KIDINS220: variants seen among roughly 807,000 people sequenced by gnomAD.
KIDINS220 encodes the protein kinase D-interacting substrate of 220 kDa.
KIDINS220 carries 63 observed loss-of-function variants against 157.6 expected under a neutral mutation model. The observed-to-expected ratio is 0.40, with a 90% CI of 0.33 to 0.49. The LOEUF (loss-of-function observed/expected upper bound fraction) is 0.49. KIDINS220 is among the 20% of genes least tolerant of loss of function. KIDINS220 has a pLI of 0.66. For synonymous variants in KIDINS220, 732 were observed against 783.6 expected, an observed-to-expected ratio of 0.93 and a Z score of 1.10; for missense variants, 1,772 against 2,171.2, an observed-to-expected ratio of 0.82 and a Z score of 3.65.
Position 8,770,682 on chromosome 2 carries a change from G to GT in KIDINS220, c.2998dup (p.Thr1000AsnfsTer14). On this transcript the variant is annotated frameshift_variant, in exon 22 of 30. Coordinates refer to ENST00000256707, the MANE Select transcript of KIDINS220 (RefSeq NM_020738.4). LOFTEE classifies it high-confidence loss of function. Reference sequence around the variant, plus strand: ...TCACAAAAGGTACCTTTCGTAGATGGTTTTTAATGTCATTTGATCTGGAAT... The same window carrying GT: ...TCACAAAAGGTACCTTTCGTAGATGGTTTTTTAATGTCATTTGATCTGGAAT... 1 of 1,597,142 alleles carries GT rather than the reference G, an allele frequency of 6.3e-7. No individual in the cohort carries two copies. The highest frequency in any genetic ancestry group is 8.5e-7 in the Non-Finnish European group (1 of 1,171,426).
At chr2:8,826,594 G>GTGAA (rs1678846095) in intron 2 of KIDINS220, 1 of 153,430 alleles carries the variant, frequency 6.5e-6, no homozygotes, top group African/African-American at 2.4e-5. Context: ...GGCAACAAGA[G>GTGAA]TGAAACTCCA....
intron 1 of KIDINS220, among the ~76,000 whole-genome samples, 189 bp downstream of exon 1, chr2:8,837,291 C>T (rs898615463): frequency 1.3e-5 from 2 of 152,158 alleles, no homozygotes; most frequent in African/African-American, 4.8e-5. Flanking sequence ...CCCCGAAAGC[C>T]GGGGCCCGAG....
chr2:8,771,726 T>C (rs537077005), intron 21 of KIDINS220, among the ~76,000 whole-genome samples: 1 of 152,300 alleles, frequency 6.6e-6, no homozygotes, highest in South Asian at 2.1e-4. Flanking sequence ...CATATAGATA[T>C]ATAAGCCCCA....
chr2:8,811,824 T>C (rs544792473), intron 6 of KIDINS220, among the ~76,000 whole-genome samples: 16 of 149,944 alleles, frequency 1.1e-4, no homozygotes, highest in Middle Eastern at 7.0e-3. Context: ...CTGGAGGTGA[T>C]GGCAAATGGG....
intron 7 of KIDINS220, among the ~76,000 whole-genome samples, chr2:8,805,071 A>G (rs939566840): frequency 6.6e-6 from 1 of 152,178 alleles, no homozygotes; most frequent in African/African-American, 2.4e-5. Context: ...ACCAGTTTCC[A>G]TAAGGGATAT....
At chr2:8,727,378 C>T (rs539419125), downstream of KIDINS220, 5 of 548,272 alleles carry the variant, frequency 9.1e-6, no homozygotes, top group South Asian at 1.5e-4. Context: ...TCAAGTCACT[C>T]GCCCATGAAG....
chr2:8,795,709 CTTA>C lies in KIDINS220; in HGVS notation c.1098+1059_1098+1061del, dbSNP rs571174742. Among the ~76,000 whole-genome samples the C allele has an allele frequency of 4.7e-4, 72 of 152,254 alleles. 1 individual carries two copies. In the East Asian group the frequency reaches 0.013, roughly 27 times the overall value. ...TACCAAGGCAGAGGCCTTCAGGAAACTTATTAATGAGTATAAAGCAATTACTTA... is the reference window on the plus strand; with the variant it reads ...TACCAAGGCAGAGGCCTTCAGGAAACTTAATGAGTATAAAGCAATTACTTA... On this transcript the variant is annotated intron_variant, in intron 11 of 29. Transcript: ENST00000256707.
intron 2 of KIDINS220, among the ~76,000 whole-genome samples, chr2:8,820,644 T>A (rs1309693231): frequency 1.3e-5 from 2 of 152,136 alleles, no homozygotes. Flanking sequence ...CCAGGGTCAT[T>A]AGGGAATGAC....
intron 26 of KIDINS220, among the ~76,000 whole-genome samples, chr2:8,744,380 AAAAAAAAAATATATATATATAATAT>A (rs1320003187): frequency 1.5e-3 from 48 of 31,294 alleles, no homozygotes; most frequent in African/African-American, 2.0e-3. Flanking sequence ...AAAAAAAAAA[AAAAAAAAAATATATATATATAATAT>A]ATATATATAT....
chr2:8,749,494 T>C, intron 24 of KIDINS220: 1 of 429,860 alleles, frequency 2.3e-6, no homozygotes, highest in South Asian at 1.7e-5. Context: ...TGACAGGGCC[T>C]GAATACCACT....
At position 8,770,307 on chromosome 2, in the gene KIDINS220, G is replaced by C. The variant is rs567575602; in HGVS notation, c.3011+363C>G. ...TACAGTCCTAGCTACTTGGGAGGCT[G>C]AGATGGGAGGATGACTTGAGTCCAG... is the stretch of plus-strand genomic sequence containing the variant. On this transcript the variant is annotated intron_variant, in intron 22 of 29. Transcript: ENST00000256707. 3.9e-5 allele frequency among the ~76,000 whole-genome samples: 6 copies of C among 152,302 alleles called. No homozygotes were observed. The South Asian group carries it at 1.2e-3, about 32-fold the overall frequency.
intron 9 of KIDINS220, 104 bp from the exon 10 acceptor site, chr2:8,798,404 G>C: frequency 1.5e-6 from 1 of 670,486 alleles, no homozygotes; most frequent in South Asian, 1.8e-5. Flanking sequence ...CCAACAGGCA[G>C]CATGGTAGGA....
chr2:8,757,909 C>T (rs559443607), intron 22 of KIDINS220: 1 of 831,816 alleles, frequency 1.2e-6, no homozygotes, highest in East Asian at 2.8e-5. Flanking sequence ...GTTGCCCAGG[C>T]TGGAGTGCAG....
Position 8,813,329 on chromosome 2 carries a change from A to T in KIDINS220, c.313T>A (p.Trp105Arg). ...TAACATGCCCACATAAGAGCTGTCC[A>T]TCCTCCCTAAACAAAAAATGTAGGG... ...VNLEHRDMGG[W>R]TALMWACYKG... The change falls in exon 5 of 30, where the codon TGG becomes AGG. Residue 105 changes from tryptophan (W) to arginine (R), a missense_variant. Around this residue, in one of 3 missense-constraint regions of KIDINS220, gnomAD observed 254 missense variants for 268.6 expected, o/e 0.95. Coordinates refer to ENST00000256707, the MANE Select transcript of KIDINS220 (RefSeq NM_020738.4). 1.2e-6 allele frequency: 2 copies of T among 1,609,948 alleles called. No individual in the cohort carries two copies. Among genetic ancestry groups the T allele is most frequent in the Non-Finnish European group, 1.7e-6 (2 of 1,178,464 alleles).
chr2:8,753,633 T>C (rs1667641910), intron 22 of KIDINS220, among the ~76,000 whole-genome samples: 1 of 152,244 alleles, frequency 6.6e-6, no homozygotes, highest in African/African-American at 2.4e-5. Flanking sequence ...TGTTAGATTA[T>C]ACTAAGTGAG....
intron 9 of KIDINS220, 189 bp downstream of exon 9, chr2:8,800,211 T>A (rs1674501329): frequency 8.4e-6 from 4 of 478,118 alleles, no homozygotes; most frequent in Non-Finnish European, 1.5e-5. Flanking sequence ...TCTATCTACA[T>A]TTAACTCGAC....
chr2:8,751,939 A>G (rs572439351), intron 22 of KIDINS220, among the ~76,000 whole-genome samples: 29 of 152,154 alleles, frequency 1.9e-4, no homozygotes, highest in Non-Finnish European at 4.0e-4. Context: ...TCCTGATCTA[A>G]GTTGATCCAC....
At chr2:8,739,726 C>A (rs892294142) in intron 26 of KIDINS220, among the ~76,000 whole-genome samples, 2 of 152,014 alleles carry the variant, frequency 1.3e-5, no homozygotes, top group South Asian at 4.1e-4. Flanking sequence ...CAAGAAGAGA[C>A]CATTTTAGCG....
In KIDINS220 at chr2:8,748,019, C is replaced by CA; in HGVS notation, c.3415-20dup. On this transcript the variant is annotated intron_variant, in intron 24 of 29. Coordinates refer to ENST00000256707, the MANE Select transcript of KIDINS220 (RefSeq NM_020738.4). ...AGAATGGCTATGGAAAAACATGTAA[C>CA]AAAAAAGGGGTAAACAATTACAGAA... is the stretch of plus-strand genomic sequence containing the variant. 7.1e-7 allele frequency: 1 copy of CA among 1,407,304 alleles called. No homozygotes were observed. The highest frequency in any genetic ancestry group is 9.7e-7 in the Non-Finnish European group (1 of 1,033,036). The allele number at this position is 1,407,304 out of a possible 1,614,324, so 87.2% of individuals were successfully genotyped here.
Sources: allele counts gnomAD v4.1 joint callset (sites outside exome capture counted in the v4.1 genomes callset), GRCh38; gene constraint gnomAD v4.1.1; regional missense constraint gnomAD v4.1.1; transcripts MANE v1.5; gene names NCBI Gene and HGNC (gene_info 2026-07-23, HGNC 2026-07-21).